GRM8: variants seen among roughly 807,000 people sequenced by gnomAD.
GRM8 encodes the protein glutamate metabotropic receptor 8, also known as metabotropic glutamate receptor 8.
GRM8 carries 47 observed loss-of-function variants against 87.2 expected under a neutral mutation model. The observed-to-expected ratio is 0.54, with a 90% confidence interval of 0.43 to 0.69. The LOEUF (loss-of-function observed/expected upper bound fraction) is 0.69, where lower values mean the gene tolerates loss of function less well. Ranked by LOEUF, GRM8 falls within the 30% of genes least tolerant of loss-of-function variation. GRM8 has a pLI of 0.00. For synonymous variants in GRM8, 396 were observed against 404.5 expected (o/e 0.98, Z 0.25); for missense variants, 1,019 against 1,139.2 (o/e 0.89, Z 1.52).
At chr7:127,166,517 G>A (rs1793463732) in intron 2 of GRM8, among the ~76,000 whole-genome samples, 3 of 152,280 alleles carry the variant, frequency 2.0e-5, no homozygotes, top group East Asian at 1.9e-4. Flanking sequence ...GTCCACATGA[G>A]TGCTGGGATG....
chr7:126,802,374 C>T (rs781227453), intron 6 of GRM8, among the ~76,000 whole-genome samples: 14 of 152,118 alleles, frequency 9.2e-5, no homozygotes, highest in Non-Finnish European at 1.3e-4. Context: ...TTCTAACTTC[C>T]TGCTTCTATG....
At chr7:126,908,154 T>C (rs1454786506) in intron 3 of GRM8, among the ~76,000 whole-genome samples, 1 of 152,144 alleles carries the variant, frequency 6.6e-6, no homozygotes, top group Non-Finnish European at 1.5e-5. Context: ...ATTGTAATAC[T>C]TTCGTCAGGG....
chr7:126,440,514 T>C (rs952198556), intron 10 of GRM8, among the ~76,000 whole-genome samples: 4 of 151,718 alleles, frequency 2.6e-5, no homozygotes, highest in African/African-American at 9.7e-5. Context: ...CTTCTAGTCC[T>C]ACAAGCTCCA....
intron 9 of GRM8, among the ~76,000 whole-genome samples, chr7:126,459,361 C>A (rs1362244325): frequency 1.6e-5 from 1 of 63,412 alleles, no homozygotes; most frequent in Non-Finnish European, 3.2e-5. Context: ...GATGACCCTG[C>A]CTGAGAGAGA....
intron 3 of GRM8, among the ~76,000 whole-genome samples, chr7:127,064,405 T>C (rs1040096536): frequency 1.3e-5 from 2 of 152,218 alleles, no homozygotes; most frequent in African/African-American, 2.4e-5. Context: ...TCTTCGTTGG[T>C]TTGAAATCTG....
intron 9 of GRM8, among the ~76,000 whole-genome samples, chr7:126,473,243 G>A (rs1470377742): frequency 1.3e-5 from 2 of 152,278 alleles, no homozygotes; most frequent in Middle Eastern, 3.4e-3. Context: ...GAAAGCAGCC[G>A]GAACTGGGGT....
intron 3 of GRM8, among the ~76,000 whole-genome samples, chr7:127,060,358 G>T (rs1820484232): frequency 6.6e-6 from 1 of 151,802 alleles, no homozygotes; most frequent in Non-Finnish European, 1.5e-5. Flanking sequence ...TTTATAAAAT[G>T]ATACAAAGAA....
chr7:126,888,729 G>A (rs1365228412), intron 6 of GRM8, among the ~76,000 whole-genome samples: 2 of 152,084 alleles, frequency 1.3e-5, no homozygotes, highest in East Asian at 3.9e-4. Flanking sequence ...AAAGAGATCT[G>A]GGTAGGAGAC....
At chr7:126,750,891 C>T (rs1442585918) in intron 7 of GRM8, among the ~76,000 whole-genome samples, 2 of 151,996 alleles carry the variant, frequency 1.3e-5, no homozygotes, top group African/African-American at 4.8e-5. Flanking sequence ...ATAGTAATTA[C>T]CTTAATCACC....
At chr7:126,499,318 G>A (rs1449092715) in intron 9 of GRM8, among the ~76,000 whole-genome samples, 1 of 151,332 alleles carries the variant, frequency 6.6e-6, no homozygotes, top group Non-Finnish European at 1.5e-5. Flanking sequence ...TTAAATGTTG[G>A]CAAGGATGTG....
intron 3 of GRM8, among the ~76,000 whole-genome samples, chr7:127,081,651 G>C (rs1348187485): frequency 6.6e-6 from 1 of 152,184 alleles, no homozygotes; most frequent in Non-Finnish European, 1.5e-5. Flanking sequence ...GAAAAAGGGA[G>C]AGCAAATGAA....
At chr7:126,790,839 T>C (rs1305545558) in intron 6 of GRM8, among the ~76,000 whole-genome samples, 2 of 152,144 alleles carry the variant, frequency 1.3e-5, no homozygotes, top group African/African-American at 4.8e-5. Context: ...GCCTGGTGAC[T>C]GGGTCGGTGA....
intron 3 of GRM8, among the ~76,000 whole-genome samples, chr7:127,057,420 A>T (rs1485132256): frequency 6.6e-6 from 1 of 152,156 alleles, no homozygotes; most frequent in East Asian, 1.9e-4. Flanking sequence ...TCCAAACAAC[A>T]TTTGCATACA....
chr7:126,900,403 G>A (rs938117239), intron 6 of GRM8, among the ~76,000 whole-genome samples: 1 of 152,206 alleles, frequency 6.6e-6, no homozygotes, highest in Non-Finnish European at 1.5e-5. Flanking sequence ...TCAGCTGGTT[G>A]TTATATAAAC....
intron 2 of GRM8, among the ~76,000 whole-genome samples, chr7:127,193,000 C>A (rs566163469): frequency 1.3e-5 from 2 of 152,138 alleles, no homozygotes; most frequent in Non-Finnish European, 2.9e-5. Context: ...AAAGTCAGTG[C>A]GATCTCCAGA....
intron 2 of GRM8, among the ~76,000 whole-genome samples, chr7:127,206,505 T>C (rs1444432881): frequency 2.0e-5 from 3 of 152,200 alleles, no homozygotes; most frequent in Admixed American, 6.5e-5. Flanking sequence ...GTAACATTTT[T>C]CTGATATATA....
At chr7:126,501,018 A>C (rs1411326056) in intron 9 of GRM8, among the ~76,000 whole-genome samples, 1 of 151,934 alleles carries the variant, frequency 6.6e-6, no homozygotes, top group Non-Finnish European at 1.5e-5. Context: ...ATAATTTTTT[A>C]GTGCTTTCTA....
chr7:126,503,395 G>A (rs975095551), intron 9 of GRM8, among the ~76,000 whole-genome samples: 2 of 151,952 alleles, frequency 1.3e-5, no homozygotes, highest in African/African-American at 2.4e-5. Context: ...TTCGAAAGCA[G>A]AAGATCCAAA....
chr7:126,830,968 C>T (rs999910952), intron 6 of GRM8, among the ~76,000 whole-genome samples: 2 of 152,228 alleles, frequency 1.3e-5, no homozygotes, highest in African/African-American at 4.8e-5. Flanking sequence ...TAGAGGTCCA[C>T]TCCAGACCCT....
Sources: allele counts gnomAD v4.1 joint callset (sites outside exome capture counted in the v4.1 genomes callset), GRCh38; gene constraint gnomAD v4.1.1; transcripts MANE v1.5; gene names NCBI Gene and HGNC (gene_info 2026-07-23, HGNC 2026-07-21).